HIBCH: variants seen among roughly 807,000 people sequenced by gnomAD.
The protein encoded by HIBCH is 3-hydroxyisobutyryl-CoA hydrolase, mitochondrial.
Under a neutral mutation model 58.2 loss-of-function variants are expected in HIBCH, and 50 were observed. That is an observed-to-expected ratio of 0.86 (90% CI 0.68 to 1.09). The LOEUF (loss-of-function observed/expected upper bound fraction) is 1.09, where lower values mean the gene tolerates loss of function less well. Ranked by LOEUF, HIBCH falls within the 50% of genes least tolerant of loss-of-function variation. HIBCH has a pLI of 0.00. For synonymous variants in HIBCH, 151 were observed against 146.9 expected, an observed-to-expected ratio of 1.03 and a Z score of -0.20; for missense variants, 450 against 449.7, an observed-to-expected ratio of 1.00 and a Z score of -0.01.
intron 1 of HIBCH, among the ~76,000 whole-genome samples, chr2:190,191,786 T>C (rs911155196): frequency 1.3e-5 from 2 of 152,256 alleles, no homozygotes; most frequent in Admixed American, 1.3e-4. Context: ...TGCCTAAATC[T>C]TTCAAATCTC....
At chr2:190,208,130 T>C (rs933319717) in intron 13 of HIBCH, among the ~76,000 whole-genome samples, 4 of 152,172 alleles carry the variant, frequency 2.6e-5, no homozygotes, top group Admixed American at 6.5e-5. Context: ...TATGCTGACA[T>C]TGGAGATTAT....
chr2:190,222,132 C>T (rs1171193873), intron 11 of HIBCH, among the ~76,000 whole-genome samples: 1 of 152,144 alleles, frequency 6.6e-6, no homozygotes, highest in Non-Finnish European at 1.5e-5. Flanking sequence ...CATAGGCACC[C>T]CCTAGACGCT....
intron 11 of HIBCH, among the ~76,000 whole-genome samples, chr2:190,218,419 A>C (rs1395736980): frequency 6.6e-6 from 1 of 152,188 alleles, no homozygotes; most frequent in Non-Finnish European, 1.5e-5. Context: ...GGAGGTATAC[A>C]TTAGGAATAA....
At chr2:190,219,573 T>C (rs564776060) in intron 11 of HIBCH, among the ~76,000 whole-genome samples, 1 of 152,304 alleles carries the variant, frequency 6.6e-6, no homozygotes, top group South Asian at 2.1e-4. Context: ...ATAAGTCAAA[T>C]ACTTGAAGAG....
intron 6 of HIBCH, among the ~76,000 whole-genome samples, chr2:190,275,362 T>C (rs957498447): frequency 3.3e-5 from 5 of 152,202 alleles, no homozygotes; most frequent in Admixed American, 6.5e-5. Flanking sequence ...AAATCTGTAA[T>C]TGTTATATTC....
chr2:190,271,118 A>G (rs1687385256), intron 6 of HIBCH, among the ~76,000 whole-genome samples: 1 of 151,942 alleles, frequency 6.6e-6, no homozygotes, highest in Non-Finnish European at 1.5e-5. Context: ...CTCAAATCTT[A>G]GTAAATAGTG....
chr2:190,226,088 G>C (rs569703765), intron 11 of HIBCH, among the ~76,000 whole-genome samples: 1 of 152,272 alleles, frequency 6.6e-6, no homozygotes, highest in East Asian at 1.9e-4. Context: ...CGATAAACTA[G>C]GTATTGATGC....
In HIBCH at chr2:190,258,939, G is replaced by A. The variant is rs949229100; in HGVS notation, c.517+2217C>T. 2.6e-5 allele frequency among the ~76,000 whole-genome samples: 4 copies of A among 152,196 alleles called. No homozygotes were observed. The East Asian group carries it at 7.7e-4, about 29-fold the overall frequency. On this transcript the variant is annotated intron_variant, in intron 7 of 13. Coordinates refer to ENST00000359678, the MANE Select transcript of HIBCH (RefSeq NM_014362.4). ...AAAATCACTTAACTGCAAATATATG[G>A]ATTTGTCTCTGGGCTTGCTATTCTT...
At chr2:190,196,664 TTTTA>T (rs1309709572) in intron 1 of HIBCH, among the ~76,000 whole-genome samples, 2 of 152,178 alleles carry the variant, frequency 1.3e-5, no homozygotes, top group Non-Finnish European at 2.9e-5. Context: ...AATGGTATTG[TTTTA>T]TTTCTTGTTA....
intron 6 of HIBCH, among the ~76,000 whole-genome samples, chr2:190,262,163 CAAAAA>C (rs982653583): frequency 1.1e-5 from 1 of 91,948 alleles, no homozygotes. Flanking sequence ...GCGGTAGAGA[CAAAAA>C]AAAAAAAAAG....
In HIBCH at chr2:190,279,282, T is replaced by C. The variant is rs1253045953; in HGVS notation, c.438+8304A>G. Among the ~76,000 whole-genome samples the C allele has an allele frequency of 1.3e-5, 2 of 152,164 alleles. No homozygotes were observed. Among genetic ancestry groups the C allele is most frequent in the Non-Finnish European group, 2.9e-5 (2 of 68,034 alleles). ...GGCCTCACTTCTTAATACTGTTACA[T>C]TCAGGATTAAGTTTCAACATGAGTT... On this transcript the variant is annotated intron_variant, in intron 6 of 13. Coordinates refer to ENST00000359678, the MANE Select transcript of HIBCH (RefSeq NM_014362.4). The surrounding 1 kb of genome is among the most constrained non-coding windows in gnomAD (Gnocchi z 4.2).
intron 7 of HIBCH, 142 bp downstream of exon 7, chr2:190,261,014 C>T: frequency 3.0e-6 from 2 of 666,772 alleles, no homozygotes; most frequent in Non-Finnish European, 5.3e-6. Context: ...AAGTATCTTC[C>T]TATTTAATTT....
At chr2:190,238,548 T>C (rs1368874491) in intron 11 of HIBCH, among the ~76,000 whole-genome samples, 1 of 152,228 alleles carries the variant, frequency 6.6e-6, no homozygotes, top group Non-Finnish European at 1.5e-5. Flanking sequence ...CACTACAACC[T>C]CTGCCTCCCA....
chr2:190,229,844 ATT>A (rs11418020), intron 11 of HIBCH, among the ~76,000 whole-genome samples: 1 of 149,024 alleles, frequency 6.7e-6, no homozygotes, highest in African/African-American at 2.5e-5. Flanking sequence ...ATATGGCTGG[ATT>A]TTTTTTTTTT....
intron 1 of HIBCH, among the ~76,000 whole-genome samples, chr2:190,198,220 G>A (rs766606059): frequency 6.6e-6 from 1 of 152,146 alleles, no homozygotes; most frequent in African/African-American, 2.4e-5. Flanking sequence ...GTAGTATTAT[G>A]AGAAACTGGG....
In HIBCH at chr2:190,242,560, A is replaced by T. The variant is rs565239646; in HGVS notation, c.891+2327T>A. ...GGCTTTTCCTCATCTTCGTGTGTTT[A>T]TCTACCTTTGAGCTTTGATGCTGAT... On this transcript the variant is annotated intron_variant, in intron 11 of 13. Transcript: ENST00000359678. Among the ~76,000 whole-genome samples, 3 of 152,166 alleles carry T rather than the reference A, an allele frequency of 2.0e-5. No homozygotes were observed. In the South Asian group the frequency reaches 6.2e-4, roughly 32 times the overall value.
chr2:190,200,105 T>C, downstream of HIBCH: 4 of 1,614,032 alleles, frequency 2.5e-6, no homozygotes, highest in Non-Finnish European at 3.4e-6. Flanking sequence ...TGCAATAACA[T>C]CAAGTACCAT....
At chr2:190,270,157 C>G (rs1687350720) in intron 6 of HIBCH, among the ~76,000 whole-genome samples, 1 of 151,798 alleles carries the variant, frequency 6.6e-6, no homozygotes, top group South Asian at 2.1e-4. Context: ...ACAGGTGCAG[C>G]ATATCACCAT....
intron 2 of HIBCH, among the ~76,000 whole-genome samples, chr2:190,300,450 G>A (rs146181196): frequency 1.3e-5 from 2 of 151,166 alleles, no homozygotes; most frequent in South Asian, 2.1e-4. Flanking sequence ...ATATGTGGTT[G>A]GCTGCATGTC....
Sources: gnomAD v4.1 joint callset for allele counts (sites outside exome capture counted in the v4.1 genomes callset) on GRCh38, gnomAD v4.1.1 for gene constraint, Gnocchi (gnomAD v3.1) non-coding constraint, MANE v1.5 for transcripts, NCBI Gene and HGNC (gene_info 2026-07-23, HGNC 2026-07-21) for gene names.